The following RBFOX1 variants were observed in gnomAD, a reference collection of about 807,000 sequenced individuals.
RBFOX1 encodes RNA binding protein fox-1 homolog 1.
In RBFOX1, 8 loss-of-function variants were observed where a neutral mutation model predicts 57.7. The ratio of observed to expected loss-of-function variants is 0.14; its 90% CI spans 0.08 to 0.25. The LOEUF (loss-of-function observed/expected upper bound fraction) is 0.25. RBFOX1 is among the 10% of genes least tolerant of loss of function. The probability of loss-of-function intolerance (pLI) is 1.00; values close to 1 mark genes in which losing one functional copy is unlikely to be tolerated. For missense variants in RBFOX1, 611 were observed against 548.5 expected (o/e 1.11, Z -1.14); for synonymous variants, 326 against 222.4 (o/e 1.47, Z -4.15).
intron 1 of RBFOX1, among the ~76,000 whole-genome samples, chr16:5,443,775 C>T (rs1020370364): frequency 1.3e-5 from 2 of 152,208 alleles, no homozygotes; most frequent in Non-Finnish European, 2.9e-5. Flanking sequence ...GATTATCTTG[C>T]AAGACATACA....
intron 3 of RBFOX1, among the ~76,000 whole-genome samples, chr16:6,982,346 C>A (rs1288670578): frequency 6.6e-6 from 1 of 152,162 alleles, no homozygotes; most frequent in Admixed American, 6.5e-5. Flanking sequence ...GCCAGCATGT[C>A]ATTTTGACTT....
At chr16:7,428,496 T>C (rs2098645361) in intron 4 of RBFOX1, among the ~76,000 whole-genome samples, 1 of 98,882 alleles carries the variant, frequency 1.0e-5, no homozygotes, top group Non-Finnish European at 1.9e-5. Flanking sequence ...CTGGCTATTT[T>C]ATTATTATTA....
At chr16:5,823,396 A>G (rs1004943431) in intron 3 of RBFOX1, among the ~76,000 whole-genome samples, 2 of 152,172 alleles carry the variant, frequency 1.3e-5, no homozygotes, top group East Asian at 3.9e-4. Context: ...TCGTAACCAA[A>G]TGCAACATAG....
chr16:6,286,727 C>A (rs1399910512), intron 1 of RBFOX1, among the ~76,000 whole-genome samples: 1 of 152,150 alleles, frequency 6.6e-6, no homozygotes, highest in Non-Finnish European at 1.5e-5. Flanking sequence ...AAACAGGATA[C>A]TGCACAGGCT....
chr16:7,301,501 C>G (rs1269692539), intron 4 of RBFOX1, among the ~76,000 whole-genome samples: 3 of 152,308 alleles, frequency 2.0e-5, no homozygotes, highest in African/African-American at 4.8e-5. Flanking sequence ...CTGTGGGGAT[C>G]TAATCACTAC....
chr16:7,486,706 C>T (rs2065490817), intron 4 of RBFOX1, among the ~76,000 whole-genome samples: 1 of 152,048 alleles, frequency 6.6e-6, no homozygotes, highest in South Asian at 2.1e-4. Flanking sequence ...CATTTTGGAG[C>T]AGATGCTAAG....
intron 3 of RBFOX1, chr16:6,776,066 T>G (rs1025652920): frequency 6.6e-6 from 1 of 152,142 alleles, no homozygotes; most frequent in Non-Finnish European, 1.5e-5. Context: ...TTTTAAACAT[T>G]AGTACTGAGG....
chr16:7,536,380 G>T (rs987742132), intron 5 of RBFOX1, among the ~76,000 whole-genome samples: 2 of 152,196 alleles, frequency 1.3e-5, no homozygotes, highest in Non-Finnish European at 2.9e-5. Flanking sequence ...GATCTCTTGA[G>T]GCAAGGAGTT....
chr16:6,792,603 G>T (rs1037333892), intron 3 of RBFOX1, among the ~76,000 whole-genome samples: 2 of 152,058 alleles, frequency 1.3e-5, no homozygotes, highest in African/African-American at 4.8e-5. Flanking sequence ...ACGAAGTCAG[G>T]GTTGCAAAAA....
intron 3 of RBFOX1, among the ~76,000 whole-genome samples, chr16:6,668,067 G>A (rs1188375584): frequency 6.6e-6 from 1 of 152,134 alleles, no homozygotes; most frequent in African/African-American, 2.4e-5. Flanking sequence ...GCTTAAACTG[G>A]ATACCAAACC....
chr16:6,981,111 C>T (rs1490930739), intron 3 of RBFOX1, among the ~76,000 whole-genome samples: 2 of 145,976 alleles, frequency 1.4e-5, no homozygotes. Context: ...ATTAAGTAAA[C>T]TCTTTTTTTA....
At chr16:5,518,632 G>C (rs2043888990) in intron 2 of RBFOX1, among the ~76,000 whole-genome samples, 1 of 152,190 alleles carries the variant, frequency 6.6e-6, no homozygotes. Flanking sequence ...ACCAGACCTG[G>C]ATTAGTGGTT....
intron 1 of RBFOX1, among the ~76,000 whole-genome samples, chr16:6,307,064 G>A (rs2079596967): frequency 6.6e-6 from 1 of 152,174 alleles, no homozygotes; most frequent in African/African-American, 2.4e-5. Flanking sequence ...TCAGCGTAAG[G>A]ACTTCAGAGT....
At chr16:6,798,022 T>C (rs111768844) in intron 3 of RBFOX1, among the ~76,000 whole-genome samples, 8,174 of 152,200 alleles carry the variant, frequency 0.054, 314 homozygotes, top group Middle Eastern at 0.092. Context: ...ATGATGATGA[T>C]GGTGATGATG....
At chr16:5,794,595 G>T (rs150903846) in intron 3 of RBFOX1, among the ~76,000 whole-genome samples, 1 of 152,156 alleles carries the variant, frequency 6.6e-6, no homozygotes, top group Non-Finnish European at 1.5e-5. Flanking sequence ...CAGATGTTGT[G>T]TGTCAAGGCA....
intron 1 of RBFOX1, among the ~76,000 whole-genome samples, chr16:5,452,249 G>C (rs1029468782): frequency 5.3e-5 from 8 of 151,368 alleles, no homozygotes; most frequent in African/African-American, 1.7e-4. Flanking sequence ...TTCCCAAGTA[G>C]CTGGGATTAC....
chr16:6,537,114 T>C (rs575949947), intron 2 of RBFOX1, among the ~76,000 whole-genome samples: 1 of 152,180 alleles, frequency 6.6e-6, no homozygotes, highest in South Asian at 2.1e-4. Flanking sequence ...TCCATACCAG[T>C]GTTTCTCAAG....
chr16:6,770,461 C>T (rs535151198), intron 3 of RBFOX1, among the ~76,000 whole-genome samples: 85 of 152,196 alleles, frequency 5.6e-4, no homozygotes, highest in African/African-American at 1.9e-3. Context: ...TATATTTCTG[C>T]GGCAGCTTTT....
At chr16:5,666,618 A>C (rs1350107004) in intron 3 of RBFOX1, among the ~76,000 whole-genome samples, 1 of 152,242 alleles carries the variant, frequency 6.6e-6, no homozygotes, top group African/African-American at 2.4e-5. Context: ...TCCACAGAAG[A>C]AGGAGACAGC....
Sources: gnomAD v4.1 joint callset for allele counts (sites outside exome capture counted in the v4.1 genomes callset) on GRCh38, gnomAD v4.1.1 for gene constraint, MANE v1.5 for transcripts, NCBI Gene and HGNC (gene_info 2026-07-23, HGNC 2026-07-21) for gene names.